Variants in LHPP observed in about 807,000 individuals in gnomAD.
LHPP encodes hLHPP.
In LHPP, 24 loss-of-function variants were observed where a neutral mutation model predicts 30.3. The observed-to-expected ratio is 0.79, with a 90% confidence interval of 0.57 to 1.11. LHPP has a LOEUF of 1.11. Among genes scored for constraint, LHPP ranks in the 50% most tolerant of loss-of-function variants. The pLI, the probability that LHPP is intolerant of heterozygous loss-of-function variation, is 0.00. For missense variants in LHPP, 356 were observed against 367.2 expected, an observed-to-expected ratio of 0.97 and a Z score of 0.25; for synonymous variants, 150 against 157.1, an observed-to-expected ratio of 0.95 and a Z score of 0.34.
At chr10:124,600,435 T>G (rs752117) in intron 6 of LHPP, among the ~76,000 whole-genome samples, 91,249 of 152,224 alleles carry the variant, frequency 0.6, 27,534 homozygotes, top group East Asian at 0.68. Context: ...GCTGGCTCGA[T>G]CTGGGTGTTG....
At chr10:124,584,088 G>A (rs1011706343) in intron 6 of LHPP, among the ~76,000 whole-genome samples, 3 of 152,006 alleles carry the variant, frequency 2.0e-5, no homozygotes, top group African/African-American at 4.8e-5. Context: ...TGTCACATCC[G>A]TAGCCCAATT....
intron 1 of LHPP, among the ~76,000 whole-genome samples, chr10:124,465,219 G>T (rs1952522738): frequency 6.6e-6 from 1 of 152,076 alleles, no homozygotes; most frequent in African/African-American, 2.4e-5. Context: ...ATTCCAGGCA[G>T]AAGGAATGGT....
At chr10:124,601,691 C>T (rs775316861) in intron 6 of LHPP, among the ~76,000 whole-genome samples, 103 of 152,354 alleles carry the variant, frequency 6.8e-4, no homozygotes, top group Non-Finnish European at 8.8e-4. Flanking sequence ...TAAACCCAGC[C>T]GTAAATAAGC....
intron 2 of LHPP, among the ~76,000 whole-genome samples, chr10:124,485,898 G>GCCCATA (rs1172317026): frequency 1.9e-4 from 29 of 152,270 alleles, no homozygotes; most frequent in Admixed American, 1.8e-3. Context: ...ACCGCCTCCG[G>GCCCATA]TCTTACTTGG....
intron 6 of LHPP, among the ~76,000 whole-genome samples, chr10:124,540,278 G>T (rs1264075577): frequency 6.6e-6 from 1 of 152,194 alleles, no homozygotes; most frequent in Non-Finnish European, 1.5e-5. Context: ...CAGGCACATA[G>T]CCCTGCCCTG....
At chr10:124,527,285 C>T (rs932849418) in intron 6 of LHPP, among the ~76,000 whole-genome samples, 3 of 152,230 alleles carry the variant, frequency 2.0e-5, no homozygotes, top group African/African-American at 7.2e-5. Context: ...ATTGCTACAT[C>T]TTTTCCAGCC....
Position 124,461,839 on chromosome 10 carries a change from AG to A in LHPP, c.-23del. On this transcript the variant is annotated 5_prime_UTR_variant, in exon 1 of 7. Transcript: ENST00000368842. Reference sequence around the variant, plus strand: ...GGCGCCGGCGTCGGTTGGGACGCGGAGCTGAGGAGCAGGGCCGGGCGCCATG... The same window carrying A: ...GGCGCCGGCGTCGGTTGGGACGCGGACTGAGGAGCAGGGCCGGGCGCCATG... 3 of 1,232,370 alleles carry A rather than the reference AG, an allele frequency of 2.4e-6. No individual in the cohort carries two copies. In the South Asian group the frequency reaches 1.2e-4, roughly 49 times the overall value. 76.3% of individuals were successfully genotyped at this position (1,232,370 alleles called of 1,614,324 possible).
intron 6 of LHPP, among the ~76,000 whole-genome samples, chr10:124,566,198 AC>A (rs1282615741): frequency 6.6e-6 from 1 of 152,188 alleles, no homozygotes; most frequent in Non-Finnish European, 1.5e-5. Context: ...GGTCCTGGAG[AC>A]CGGGCGTGTG....
At position 124,475,058 on chromosome 10, in the gene LHPP, T is replaced by C. The variant is rs949983329; in HGVS notation, c.126-9081T>C. 1.6e-4 allele frequency among the ~76,000 whole-genome samples: 11 copies of C among 69,334 alleles called. No individual in the cohort carries two copies. In the Middle Eastern group the frequency reaches 0.027, roughly 170 times the overall value. The allele number at this position is 69,334 out of a possible 152,430, so 45.5% of individuals were successfully genotyped here. ...TTTTTTTTGAAATGGAGTCTCGCTCTGTCGCCCAGGCTGGAGTGCAGTGGT... is the reference window on the plus strand; with the variant it reads ...TTTTTTTTGAAATGGAGTCTCGCTCCGTCGCCCAGGCTGGAGTGCAGTGGT... On this transcript the variant is annotated intron_variant, in intron 1 of 6. Transcript: ENST00000368842.
chr10:124,599,529 T>A (rs1448951850), intron 6 of LHPP, among the ~76,000 whole-genome samples: 3 of 152,198 alleles, frequency 2.0e-5, no homozygotes, highest in Non-Finnish European at 4.4e-5. Flanking sequence ...AGCCAGGGGT[T>A]CCGTACTCCC....
intron 1 of LHPP, 24 bp downstream of exon 1, chr10:124,462,011 T>G: frequency 8.3e-7 from 1 of 1,201,786 alleles, no homozygotes; most frequent in Non-Finnish European, 1.0e-6. Flanking sequence ...GGGACGCCGC[T>G]GGGGCCGCCG....
Position 124,565,617 on chromosome 10 carries a change from CAAG to C in LHPP, c.717-47644_717-47642del, listed in dbSNP as rs542077040. Among the ~76,000 whole-genome samples, 339 of 152,334 alleles carry C rather than the reference CAAG, an allele frequency of 2.2e-3. 1 individual carries two copies. The highest frequency in any genetic ancestry group is 7.8e-3 in the African/African-American group (325 of 41,578). The stretch of plus-strand genomic sequence containing the variant: ...GGACATTGTTCAGGACGGAGCCTGA[CAAG>C]AAAGGAATGCTACCCCACGCCGTGC... On this transcript the variant is annotated intron_variant, in intron 6 of 6. Transcript: ENST00000368842.
chr10:124,553,825 T>A (rs1393689480), intron 6 of LHPP: 20 of 926,266 alleles, frequency 2.2e-5, no homozygotes, highest in Non-Finnish European at 2.6e-5. Context: ...CACAGAGACC[T>A]CCCCCGGGCC....
At chr10:124,503,135 G>A (rs756883746) in intron 5 of LHPP, among the ~76,000 whole-genome samples, 3 of 150,722 alleles carry the variant, frequency 2.0e-5, no homozygotes, top group Non-Finnish European at 4.4e-5. Flanking sequence ...AGTGGTGCCT[G>A]GGCTCACCAC....
intron 2 of LHPP, among the ~76,000 whole-genome samples, chr10:124,487,555 G>A (rs1953375695): frequency 2.0e-5 from 3 of 151,104 alleles, no homozygotes; most frequent in Middle Eastern, 3.4e-3. Context: ...TGATTCTACT[G>A]CCTCAGACTC....
chr10:124,511,809 C>T (rs903978577), intron 5 of LHPP, among the ~76,000 whole-genome samples: 13 of 152,188 alleles, frequency 8.5e-5, no homozygotes, highest in Non-Finnish European at 1.3e-4. Context: ...TTGCTTCAGG[C>T]TTATATGTGT....
intron 3 of LHPP, among the ~76,000 whole-genome samples, chr10:124,494,208 T>C (rs938986430): frequency 6.6e-6 from 1 of 152,164 alleles, no homozygotes; most frequent in African/African-American, 2.4e-5. Context: ...TGCAGGGAAC[T>C]TGAGGCCAGA....
chr10:124,574,540 C>T (rs200182413), intron 6 of LHPP, among the ~76,000 whole-genome samples: 1 of 152,138 alleles, frequency 6.6e-6, no homozygotes, highest in African/African-American at 2.4e-5. Flanking sequence ...GAGCCTGCTC[C>T]CAGGGCCGAT....
chr10:124,514,795 C>CT (rs112586813), intron 5 of LHPP, among the ~76,000 whole-genome samples: 14,705 of 146,408 alleles, frequency 0.1, 847 homozygotes, highest in South Asian at 0.26. Context: ...TCTCATCTCA[C>CT]TTTTTTTTTT....
Sources: gnomAD v4.1 joint callset for allele counts (sites outside exome capture counted in the v4.1 genomes callset) on GRCh38, gnomAD v4.1.1 for gene constraint, MANE v1.5 for transcripts, NCBI Gene and HGNC (gene_info 2026-07-23, HGNC 2026-07-21) for gene names.